Variants in RASGRF1 observed in about 807,000 individuals in gnomAD.
RASGRF1 encodes the protein ras-specific guanine nucleotide-releasing factor 1.
RASGRF1 carries 40 observed loss-of-function variants against 138.7 expected under a neutral mutation model. The observed-to-expected ratio is 0.29, with a 90% CI of 0.22 to 0.38. The LOEUF (loss-of-function observed/expected upper bound fraction) is 0.38. Ranked by LOEUF, RASGRF1 falls within the 10% of genes least tolerant of loss-of-function variation. The pLI, the probability that RASGRF1 is intolerant of heterozygous loss-of-function variation, is 1.00. For missense variants in RASGRF1, 1,108 were observed against 1,650.4 expected (o/e 0.67, Z 5.69); for synonymous variants, 614 against 663.2 (o/e 0.93, Z 1.14).
chr15:79,020,121 G>C lies in RASGRF1; in HGVS notation c.1543-17C>G. The stretch of plus-strand genomic sequence containing the variant: ...GACTCCATTCTGAAAAAGAGCAGCA[G>C]GGGCTGCTTTGGATTGAGGGGTAGA... On this transcript the variant is annotated splice_polypyrimidine_tract_variant and intron_variant, in intron 10 of 26. Coordinates refer to ENST00000558480, the MANE Select transcript of RASGRF1 (RefSeq NM_001145648.3). The C allele has an allele frequency of 6.2e-7, 1 of 1,612,318 alleles. No individual in the cohort carries two copies. Among genetic ancestry groups the C allele is most frequent in the Non-Finnish European group, 8.5e-7 (1 of 1,179,048 alleles).
At chr15:79,004,324 G>A (rs2056622730) in intron 14 of RASGRF1, 149 bp from the exon 15 acceptor site, 5 of 1,110,564 alleles carry the variant, frequency 4.5e-6, no homozygotes, top group Admixed American at 5.8e-5. Flanking sequence ...CTGATCCTCT[G>A]AGCAGGGACA....
intron 4 of RASGRF1, among the ~76,000 whole-genome samples, chr15:79,048,754 G>A (rs546771792): frequency 2.4e-4 from 36 of 152,334 alleles, no homozygotes; most frequent in Non-Finnish European, 4.6e-4. Flanking sequence ...GCTGAACTTG[G>A]CCCATGGGAT....
In RASGRF1 at chr15:78,976,559, A is replaced by AACAC. The variant is rs58602180; in HGVS notation, c.3495-3143_3495-3140dup. 9.5e-4 allele frequency among the ~76,000 whole-genome samples: 141 copies of AACAC among 148,756 alleles called. 1 individual carries two copies. Among genetic ancestry groups the AACAC allele is most frequent in the Middle Eastern group, 3.5e-3 (1 of 284 alleles). ...GAGGGGACAAGAGAACACTCAATCA[A>AACAC]ACACACACACACACACACACACACA... On this transcript the variant is annotated intron_variant, in intron 24 of 26. Coordinates refer to ENST00000558480, the MANE Select transcript of RASGRF1 (RefSeq NM_001145648.3).
Position 79,067,683 on chromosome 15 carries a change from C to A in RASGRF1, c.277-3157G>T, listed in dbSNP as rs185226749. Among the ~76,000 whole-genome samples, 16 of 152,320 alleles carry A rather than the reference C, an allele frequency of 1.1e-4. No individual in the cohort carries two copies. In the East Asian group the frequency reaches 2.9e-3, roughly 28 times the overall value. ...TTTGCTAAGGGAAAGTCAGCTTCCACCCAGAGTTTCTGAATCAGCACAAAT... is the reference window on the plus strand; with the variant it reads ...TTTGCTAAGGGAAAGTCAGCTTCCAACCAGAGTTTCTGAATCAGCACAAAT... On this transcript the variant is annotated intron_variant, in intron 1 of 26. Transcript: ENST00000558480.
At chr15:78,986,650 G>T (rs982506404) in intron 22 of RASGRF1, among the ~76,000 whole-genome samples, 1 of 151,844 alleles carries the variant, frequency 6.6e-6, no homozygotes, top group African/African-American at 2.4e-5. Flanking sequence ...CCCGGCCTTT[G>T]TGACTGTTTA....
At chr15:79,037,660 T>C (rs1348327431) in intron 5 of RASGRF1, among the ~76,000 whole-genome samples, 4 of 152,004 alleles carry the variant, frequency 2.6e-5, no homozygotes, top group Non-Finnish European at 4.4e-5. Flanking sequence ...GGTTTCACCA[T>C]GTTGGCCAGG....
At position 79,004,080 on chromosome 15, in the gene RASGRF1, G is replaced by A. The variant is rs1461505075; in HGVS notation, c.2171C>T (p.Pro724Leu). 4.3e-6 allele frequency: 7 copies of A among 1,613,960 alleles called. No homozygotes were observed. The highest frequency in any genetic ancestry group is 2.2e-5 in the East Asian group (1 of 44,892). The part of the protein sequence containing the change: ...SPRATRKFSS[P>L]PPLSITKTSS... ...TGTCTTGGTGATGGACAGAGGTGGC[G>A]GCGAGGAGAACTTGCGGGTGGCGCG... Residue 724 changes from proline (P) to leucine (L), a missense_variant, in exon 15 of 27, where the codon CCG becomes CTG. This residue lies in a region of RASGRF1 where 686 missense variants were observed against 976.7 expected (regional missense o/e 0.70). Coordinates refer to ENST00000558480, the MANE Select transcript of RASGRF1 (RefSeq NM_001145648.3).
chr15:79,031,137 G>T (rs2057130237), intron 8 of RASGRF1, among the ~76,000 whole-genome samples: 1 of 152,210 alleles, frequency 6.6e-6, no homozygotes. Flanking sequence ...CCTGGGAGGT[G>T]TTGAGTGCCC....
Position 79,004,180 on chromosome 15 carries a change from G to A in RASGRF1, c.2076-5C>T, listed in dbSNP as rs560504119. 16 of 1,553,728 alleles carry A rather than the reference G, an allele frequency of 1.0e-5. No individual in the cohort carries two copies. In the Admixed American group the frequency reaches 2.7e-4, roughly 27 times the overall value. On this transcript the variant is annotated splice_polypyrimidine_tract_variant and splice_region_variant and intron_variant, in intron 14 of 26. Transcript: ENST00000558480. ...GCAAACAGGAGCTCCAGCGACCTGT[G>A]GGGAGGGCGGGGGTGAAAATGACAG...
intron 26 of RASGRF1, among the ~76,000 whole-genome samples, chr15:78,967,225 A>G (rs1026798973): frequency 1.2e-4 from 19 of 152,212 alleles, no homozygotes; most frequent in Middle Eastern, 3.4e-3. Flanking sequence ...CCTGGGTGAC[A>G]GAGTGAGACC....
chr15:79,061,129 T>C (rs1052299698), intron 2 of RASGRF1, among the ~76,000 whole-genome samples: 3 of 152,078 alleles, frequency 2.0e-5, no homozygotes, highest in African/African-American at 7.2e-5. Context: ...CCTTCTTAGC[T>C]GTCAGCAAGG....
intron 17 of RASGRF1, among the ~76,000 whole-genome samples, 153 bp downstream of exon 17, chr15:78,999,590 C>T (rs1282673523): frequency 2.6e-5 from 4 of 152,044 alleles, no homozygotes; most frequent in African/African-American, 2.4e-5. Context: ...GGGAGCTCCC[C>T]GAGGGTGGGT....
chr15:78,994,389 AG>A (rs1416026696), intron 20 of RASGRF1, among the ~76,000 whole-genome samples: 1 of 152,194 alleles, frequency 6.6e-6, no homozygotes, highest in Admixed American at 6.5e-5. Flanking sequence ...TGGGAGGGGC[AG>A]GGGCAGCAGG....
In RASGRF1 at chr15:79,032,721, G is replaced by T. The variant is rs753687783; in HGVS notation, c.959-405C>A. The stretch of plus-strand genomic sequence containing the variant: ...CAGCTGGAGGAAGCTGCCTTGCCTG[G>T]TCTGTCCTCCTGCTTCAATTCAGGA... On this transcript the variant is annotated intron_variant, in intron 6 of 26. Coordinates refer to ENST00000558480, the MANE Select transcript of RASGRF1 (RefSeq NM_001145648.3). This position sits in a 1 kb window ranked among gnomAD's most constrained non-coding sequence, Gnocchi z 4.5. Among the ~76,000 whole-genome samples the T allele has an allele frequency of 1.3e-5, 2 of 152,188 alleles. No individual in the cohort carries two copies. The highest frequency in any genetic ancestry group is 2.4e-5 in the African/African-American group (1 of 41,446).
Position 78,991,760 on chromosome 15 carries a change from T to G in RASGRF1, c.3062A>C (p.His1021Pro). The G allele has an allele frequency of 1.2e-6, 2 of 1,613,860 alleles. No homozygotes were observed. The highest frequency in any genetic ancestry group is 1.7e-6 in the Non-Finnish European group (2 of 1,179,880). ...CTGCTCCGCGATCTCCAGGGCTGAG[T>G]GGTTTTCAAAGGGCTCAGCCTTCAC... ...EGVKAEPFEN[H>P]SALEIAEQLT... Residue 1021 changes from histidine to proline, a missense_variant, in exon 21 of 27, where the codon CAC becomes CCC. Around this residue, in one of 3 missense-constraint regions of RASGRF1, gnomAD observed 686 missense variants for 976.7 expected, o/e 0.70. Transcript: ENST00000558480.
chr15:79,063,292 T>C (rs994663722), intron 2 of RASGRF1, among the ~76,000 whole-genome samples: 11 of 152,162 alleles, frequency 7.2e-5, no homozygotes, highest in African/African-American at 2.7e-4. Context: ...CTAGAATGGA[T>C]ACCCCTTGAG....
At chr15:78,994,556 T>C (rs2056349057) in intron 20 of RASGRF1, among the ~76,000 whole-genome samples, 1 of 152,160 alleles carries the variant, frequency 6.6e-6, no homozygotes, top group Non-Finnish European at 1.5e-5. Flanking sequence ...CCCCAGCCGC[T>C]GTGATGCAGG....
intron 3 of RASGRF1, among the ~76,000 whole-genome samples, chr15:79,056,521 T>G (rs2057513561): frequency 1.3e-5 from 2 of 152,286 alleles, no homozygotes; most frequent in East Asian, 3.9e-4. Context: ...AGACCTGGGT[T>G]CCAGTCTCAG....
chr15:79,039,488 C>T (rs1215110171), intron 5 of RASGRF1, among the ~76,000 whole-genome samples: 1 of 151,834 alleles, frequency 6.6e-6, no homozygotes, highest in Non-Finnish European at 1.5e-5. Context: ...TTTTTAAGAA[C>T]ATTATCTGTT....
Sources: gnomAD v4.1 joint callset for allele counts (sites outside exome capture counted in the v4.1 genomes callset) on GRCh38, gnomAD v4.1.1 for gene constraint, gnomAD v4.1.1 regional missense constraint, Gnocchi (gnomAD v3.1) non-coding constraint, MANE v1.5 for transcripts, NCBI Gene and HGNC (gene_info 2026-07-23, HGNC 2026-07-21) for gene names.